The following SETBP1 variants were observed in gnomAD, a reference collection of about 807,000 sequenced individuals.
SETBP1 encodes the protein SET-binding protein.
SETBP1 carries 9 observed loss-of-function variants against 101.0 expected under a neutral mutation model. That is an observed-to-expected ratio of 0.09 (90% CI 0.05 to 0.16). The LOEUF is 0.16. Ranked by LOEUF, SETBP1 falls within the 10% of genes least tolerant of loss-of-function variation. SETBP1 has a pLI of 1.00. For missense variants in SETBP1, 1,858 were observed against 2,033.8 expected (o/e 0.91, Z 1.66); for synonymous variants, 818 against 788.5 (o/e 1.04, Z -0.63).
rs368648204 is a variant in SETBP1, at chr18:44,705,543, G to A, written c.486+3711G>A. On this transcript the variant is annotated intron_variant, in intron 2 of 5. Coordinates refer to ENST00000649279, the MANE Select transcript of SETBP1 (RefSeq NM_015559.3). ...GTTATATTATGTGCTGCTTTTTGTT[G>A]TTGTTATTTAAGTGAACCAGTTAAT... Among the ~76,000 whole-genome samples, 10 of 152,302 alleles carry A rather than the reference G, an allele frequency of 6.6e-5. No individual in the cohort carries two copies. In the South Asian group the frequency reaches 1.5e-3, roughly 22 times the overall value.
At chr18:44,900,767 C>G (rs1327340438) in intron 3 of SETBP1, among the ~76,000 whole-genome samples, 3 of 152,254 alleles carry the variant, frequency 2.0e-5, no homozygotes, top group East Asian at 3.9e-4. Context: ...TGAGCACACA[C>G]TAGTTGGAGA....
chr18:44,970,809 C>G (rs2071832513), intron 4 of SETBP1, among the ~76,000 whole-genome samples: 1 of 152,082 alleles, frequency 6.6e-6, no homozygotes, highest in South Asian at 2.1e-4. Flanking sequence ...CCTCGGCCTC[C>G]CAAAGTGCTG....
chr18:44,876,828 A>C, intron 3 of SETBP1: 1 of 1,432,940 alleles, frequency 7.0e-7, no homozygotes, highest in Non-Finnish European at 9.2e-7. Flanking sequence ...AGACTTGCCC[A>C]AGATTGTAAA....
intron 5 of SETBP1, among the ~76,000 whole-genome samples, chr18:45,041,429 C>G (rs1216789684): frequency 6.6e-6 from 1 of 152,030 alleles, no homozygotes; most frequent in African/African-American, 2.4e-5. Context: ...TTTAGAGTGC[C>G]TTTCTTCATC....
intron 2 of SETBP1, among the ~76,000 whole-genome samples, chr18:44,754,237 A>G (rs1192730884): frequency 3.3e-5 from 5 of 152,222 alleles, no homozygotes; most frequent in African/African-American, 1.2e-4. Context: ...TATGCATGTC[A>G]TATTTAAATA....
Position 45,063,761 on chromosome 18 carries a change from G to A in SETBP1, c.*63G>A, listed in dbSNP as rs1220629709. ...TGACACGTGGGAAGCGCAGTGAGCC[G>A]GGGCGGGGGCGGAATCCCCCGCTGC... On this transcript the variant is annotated 3_prime_UTR_variant, in exon 6 of 6. Coordinates refer to ENST00000649279, the MANE Select transcript of SETBP1 (RefSeq NM_015559.3). 1.1e-5 allele frequency: 17 copies of A among 1,532,492 alleles called. No homozygotes were observed. The South Asian group carries it at 1.6e-4, about 14-fold the overall frequency. 94.9% of individuals were successfully genotyped at this position (1,532,492 alleles called of 1,614,324 possible).
At chr18:44,689,645 G>A (rs1486561005) in intron 1 of SETBP1, among the ~76,000 whole-genome samples, 9 of 152,182 alleles carry the variant, frequency 5.9e-5, no homozygotes, top group Non-Finnish European at 8.8e-5. Context: ...GTGGGAGCCC[G>A]AGGGGTTTAG....
At chr18:44,758,737 A>G (rs1036254168) in intron 2 of SETBP1, among the ~76,000 whole-genome samples, 1 of 152,212 alleles carries the variant, frequency 6.6e-6, no homozygotes, top group African/African-American at 2.4e-5. Context: ...TCAATGAACC[A>G]TTGCATGTCC....
At chr18:44,749,212 G>T (rs191220686) in intron 2 of SETBP1, among the ~76,000 whole-genome samples, 126 of 152,260 alleles carry the variant, frequency 8.3e-4, no homozygotes, top group African/African-American at 3.0e-3. Flanking sequence ...TCATCCTTTA[G>T]TTCTGTTACA....
At chr18:44,709,166 T>C (rs183784139) in intron 2 of SETBP1, among the ~76,000 whole-genome samples, 302 of 152,300 alleles carry the variant, frequency 2.0e-3, no homozygotes, top group African/African-American at 6.5e-3. Context: ...TTCCTCCTGG[T>C]TTGGTGTTCT....
intron 2 of SETBP1, among the ~76,000 whole-genome samples, chr18:44,725,054 A>G (rs920966125): frequency 6.6e-6 from 1 of 152,154 alleles, no homozygotes; most frequent in Non-Finnish European, 1.5e-5. Context: ...GCACATGGTC[A>G]CTGGCAATGG....
chr18:44,724,866 A>C (rs183155469), intron 2 of SETBP1, among the ~76,000 whole-genome samples: 2 of 152,324 alleles, frequency 1.3e-5, no homozygotes, highest in African/African-American at 4.8e-5. Flanking sequence ...GTCAGACTAC[A>C]TAATGAGTGG....
chr18:44,722,748 TG>T (rs1395629014), intron 2 of SETBP1, among the ~76,000 whole-genome samples: 1 of 152,190 alleles, frequency 6.6e-6, no homozygotes, highest in Non-Finnish European at 1.5e-5. Flanking sequence ...TCTGAGTGCT[TG>T]TAGAAGGCTG....
chr18:45,006,702 G>T lies in SETBP1; in HGVS notation c.4001-31783G>T, dbSNP rs572321380. Among the ~76,000 whole-genome samples, 5 of 152,272 alleles carry T rather than the reference G, an allele frequency of 3.3e-5. No homozygotes were observed. The East Asian group carries it at 7.7e-4, about 24-fold the overall frequency. Reference sequence around the variant, plus strand: ...ATATCAGATTAGGGCCCACCCTAAAGACCTCATTTTACTTTGATTACTCTA... The same window carrying T: ...ATATCAGATTAGGGCCCACCCTAAATACCTCATTTTACTTTGATTACTCTA... On this transcript the variant is annotated intron_variant, in intron 4 of 5. Coordinates refer to ENST00000649279, the MANE Select transcript of SETBP1 (RefSeq NM_015559.3).
chr18:44,959,098 G>T (rs2071556325), intron 4 of SETBP1, among the ~76,000 whole-genome samples: 1 of 152,230 alleles, frequency 6.6e-6, no homozygotes, highest in South Asian at 2.1e-4. Context: ...TCTTCCCACA[G>T]TTGGCAAATG....
At position 44,687,284 on chromosome 18, in the gene SETBP1, A is replaced by T. The variant is rs1598989803; in HGVS notation, c.-173+6263A>T. ...AGAGTGTCCCTTCTAAAATTCTGTG[A>T]TTCTATAGCTAGAGGTGTCCTAGGA... On this transcript the variant is annotated intron_variant, in intron 1 of 5. Coordinates refer to ENST00000649279, the MANE Select transcript of SETBP1 (RefSeq NM_015559.3). Among the ~76,000 whole-genome samples, 5 of 152,360 alleles carry T rather than the reference A, an allele frequency of 3.3e-5. No individual in the cohort carries two copies. The Middle Eastern group carries it at 0.014, about 415-fold the overall frequency.
intron 1 of SETBP1, among the ~76,000 whole-genome samples, chr18:44,693,601 G>A (rs1245335393): frequency 6.6e-6 from 1 of 152,062 alleles, no homozygotes; most frequent in Non-Finnish European, 1.5e-5. Flanking sequence ...AAATACCTTA[G>A]AAGACATAAA....
Position 44,950,490 on chromosome 18 carries a change from A to T in SETBP1, c.1150A>T (p.Arg384Trp). Residue 384 changes from arginine (R) to tryptophan (W), a missense_variant, in exon 4 of 6, where the codon AGG (arginine) becomes TGG (tryptophan). Arg to Trp is a moderately radical substitution (Grantham distance 101). Transcript: ENST00000649279. ...TAGTGCCCAAGAGGCATCACCAGCC[A>T]GGCAGAACGTGAGTTCTGCCAGTAA... ...ADSAQEASPA[R>W]QNVSSASNPE... The T allele has an allele frequency of 6.2e-7, 1 of 1,614,138 alleles. No homozygotes were observed. Among genetic ancestry groups the T allele is most frequent in the Non-Finnish European group, 8.5e-7 (1 of 1,179,990 alleles).
At chr18:44,742,168 G>T (rs1192071272) in intron 2 of SETBP1, among the ~76,000 whole-genome samples, 1 of 152,154 alleles carries the variant, frequency 6.6e-6, no homozygotes, top group African/African-American at 2.4e-5. Context: ...AACATCTTGG[G>T]GGATCAACCT....
Sources: gnomAD v4.1 joint callset for allele counts (sites outside exome capture counted in the v4.1 genomes callset) on GRCh38, gnomAD v4.1.1 for gene constraint, MANE v1.5 for transcripts, NCBI Gene and HGNC (gene_info 2026-07-23, HGNC 2026-07-21) for gene names.